C16orf96: variants seen among roughly 807,000 people sequenced by gnomAD.
The protein encoded by C16orf96 is uncharacterized protein C16orf96.
Under a neutral mutation model 103.6 loss-of-function variants are expected in C16orf96, and 108 were observed. The ratio of observed to expected loss-of-function variants is 1.04; its 90% CI spans 0.89 to 1.22. The LOEUF is 1.22. C16orf96 is among the 50% of genes most tolerant of loss of function. The pLI, the probability that C16orf96 is intolerant of heterozygous loss-of-function variation, is 0.00. For synonymous variants in C16orf96, 566 were observed against 593.5 expected (o/e 0.95, Z 0.67); for missense variants, 1,586 against 1,464.2 (o/e 1.08, Z -1.36).
intron 6 of C16orf96, among the ~76,000 whole-genome samples, 176 bp downstream of exon 6, chr16:4,579,201 C>CGG (rs869309386): frequency 3.2e-4 from 6 of 18,908 alleles, no homozygotes; most frequent in African/African-American, 3.8e-4. Context: ...TTCACTGGTG[C>CGG]GGTGGGGGGG....
intron 2 of C16orf96, among the ~76,000 whole-genome samples, chr16:4,572,530 T>G (rs2141714262): frequency 6.6e-6 from 1 of 152,044 alleles, no homozygotes; most frequent in African/African-American, 2.4e-5. Flanking sequence ...CTCAATCTCC[T>G]GACCTCTTGA....
At position 4,593,389 on chromosome 16, in the gene C16orf96, C is replaced by T; in HGVS notation, c.2867+73C>T. Reference sequence around the variant, plus strand: ...ACTCTGGAGCCTGGGAACCCTGTTCCTGCAGAGACACATCCTCCAGGCCCA... The same window carrying T: ...ACTCTGGAGCCTGGGAACCCTGTTCTTGCAGAGACACATCCTCCAGGCCCA... On this transcript the variant is annotated intron_variant, in intron 12 of 15. Transcript: ENST00000444310. This position sits in a 1 kb window ranked among gnomAD's most constrained non-coding sequence, Gnocchi z 4.2. The T allele has an allele frequency of 1.5e-6, 2 of 1,378,526 alleles. No homozygotes were observed. Among genetic ancestry groups the T allele is most frequent in the Non-Finnish European group, 1.0e-6 (1 of 1,000,624 alleles). The allele number at this position is 1,378,526 out of a possible 1,614,324, so 85.4% of individuals were successfully genotyped here.
chr16:4,586,325 T>G (rs537739534), intron 7 of C16orf96, among the ~76,000 whole-genome samples: 1 of 152,352 alleles, frequency 6.6e-6, no homozygotes, highest in East Asian at 1.9e-4. Context: ...GTGGCCACAC[T>G]AAGCTATAAG....
intron 14 of C16orf96, among the ~76,000 whole-genome samples, chr16:4,596,323 G>A (rs965242317): frequency 6.6e-6 from 1 of 151,992 alleles, no homozygotes; most frequent in African/African-American, 2.4e-5. Context: ...CGTCTGTACT[G>A]AAAATACAAA....
chr16:4,556,895 G>A lies in C16orf96; in HGVS notation c.406G>A (p.Glu136Lys), dbSNP rs201798094. 118 of 1,544,666 alleles carry A rather than the reference G, an allele frequency of 7.6e-5. No individual in the cohort carries two copies. In the Middle Eastern group the frequency reaches 1.7e-3, roughly 22 times the overall value. ...CCGGAAGATGGTGGAGGGTCATGATGAAGTCATGGCCAAGGTACGCCCCCA... is the reference window on the plus strand; with the variant it reads ...CCGGAAGATGGTGGAGGGTCATGATAAAGTCATGGCCAAGGTACGCCCCCA... ...KLRKMVEGHD[E>K]VMAKSMQTLQ... The change falls in exon 1 of 16, where the codon GAA (glutamate) becomes AAA (lysine). Residue 136 changes from glutamate to lysine, a missense_variant. Physicochemically the swap from Glu to Lys is moderately conservative, Grantham distance 56. Coordinates refer to ENST00000444310, the MANE Select transcript of C16orf96 (RefSeq NM_001145011.2).
chr16:4,573,536 A>G (rs766331859), intron 2 of C16orf96, among the ~76,000 whole-genome samples: 1 of 151,158 alleles, frequency 6.6e-6, no homozygotes, highest in East Asian at 2.0e-4. Flanking sequence ...GCAGATCACA[A>G]GGTCAGGAGA....
rs1295532668 is a variant in C16orf96 at position 4,579,037 on chromosome 16, C to T, written c.2241+12C>T. On this transcript the variant is annotated intron_variant, in intron 6 of 15. Transcript: ENST00000444310. Reference sequence around the variant, plus strand: ...AATCTAGGCTCAAGGTTAGTGTCTCCGGCGAAGGGCTTTTGAGGCAGTGAT... The same window carrying T: ...AATCTAGGCTCAAGGTTAGTGTCTCTGGCGAAGGGCTTTTGAGGCAGTGAT... 1.4e-5 allele frequency: 21 copies of T among 1,550,366 alleles called. No homozygotes were observed. The highest frequency in any genetic ancestry group is 7.3e-5 in the East Asian group (3 of 40,884).
chr16:4,584,955 G>A (rs1896885875), intron 7 of C16orf96, among the ~76,000 whole-genome samples: 1 of 152,170 alleles, frequency 6.6e-6, no homozygotes, highest in South Asian at 2.1e-4. Flanking sequence ...ACAGGCATTA[G>A]CCACTGCGCC....
At chr16:4,554,337 C>CTTTTT (rs1192152419), upstream of C16orf96, among the ~76,000 whole-genome samples, 1 of 151,794 alleles carries the variant, frequency 6.6e-6, no homozygotes, top group Non-Finnish European at 1.5e-5. Flanking sequence ...GGACAACGCC[C>CTTTTT]TTTTTTTCTT....
intron 1 of C16orf96, among the ~76,000 whole-genome samples, chr16:4,566,949 C>CA (rs1247516647): frequency 1.3e-5 from 2 of 151,990 alleles, no homozygotes; most frequent in African/African-American, 4.8e-5. Flanking sequence ...TTCAATTAAC[C>CA]AGTGTTTAGT....
intron 7 of C16orf96, among the ~76,000 whole-genome samples, chr16:4,582,953 T>C (rs6500617): frequency 0.43 from 64,930 of 151,988 alleles, 16,417 homozygotes; most frequent in East Asian, 0.67. Context: ...ATTTCATTGC[T>C]GGCCAGGCTC....
At chr16:4,600,030 G>A in intron 15 of C16orf96, 70 bp from the exon 16 acceptor site, 8 of 1,375,544 alleles carry the variant, frequency 5.8e-6, no homozygotes, top group Non-Finnish European at 8.0e-6. Flanking sequence ...AGTGGGGATG[G>A]CCCCATCAGG....
upstream of C16orf96, among the ~76,000 whole-genome samples, chr16:4,553,194 A>G (rs2059238316): frequency 6.6e-6 from 1 of 152,154 alleles, no homozygotes; most frequent in Non-Finnish European, 1.5e-5. Flanking sequence ...GGTTTTGTGG[A>G]TGGACTGGTA....
chr16:4,589,734 G>T (rs967860106), intron 9 of C16orf96, among the ~76,000 whole-genome samples: 1 of 152,146 alleles, frequency 6.6e-6, no homozygotes, highest in African/African-American at 2.4e-5. Context: ...GTTGCTAATT[G>T]TATTAAACAT....
chr16:4,594,832 C>A, intron 14 of C16orf96, 29 bp downstream of exon 14: 1 of 1,545,680 alleles, frequency 6.5e-7, no homozygotes, highest in Non-Finnish European at 8.7e-7. Flanking sequence ...CCTGGGGCAC[C>A]CTTGCCTGGG....
At chr16:4,565,965 C>G (rs905295979) in intron 1 of C16orf96, among the ~76,000 whole-genome samples, 3 of 152,180 alleles carry the variant, frequency 2.0e-5, no homozygotes, top group Admixed American at 6.6e-5. Flanking sequence ...ATCTCTGCCT[C>G]CCAAGTTTCT....
Position 4,591,746 on chromosome 16 carries a change from C to T in C16orf96, c.2673C>T (p.Gly891=). The change falls in exon 10 of 16, where the codon GGC becomes GGT. Residue 891 remains glycine, a synonymous_variant. Coordinates refer to ENST00000444310, the MANE Select transcript of C16orf96 (RefSeq NM_001145011.2). ...WKIVRKLLIE[G]LRLDPDSAAG... is the part of the protein sequence containing the mutation. ...TCGTCCGGAAGCTGCTGATTGAGGG[C>T]TTAAGACTGGATCCTGACAGTGCTG... 6.4e-7 allele frequency: 1 copy of T among 1,551,654 alleles called. No homozygotes were observed. Among genetic ancestry groups the T allele is most frequent in the Non-Finnish European group, 8.7e-7 (1 of 1,146,982 alleles).
upstream of C16orf96, among the ~76,000 whole-genome samples, chr16:4,553,913 G>A (rs966116197): frequency 6.6e-6 from 1 of 152,164 alleles, no homozygotes; most frequent in Non-Finnish European, 1.5e-5. Context: ...TTCCACAGCT[G>A]GTGCAAGGAT....
chr16:4,555,135 C>T (rs61254217), upstream of C16orf96, among the ~76,000 whole-genome samples: 21 of 151,282 alleles, frequency 1.4e-4, no homozygotes, highest in South Asian at 3.4e-3. Flanking sequence ...TGGTGGCAGG[C>T]GCCTGTGATC....
Sources: allele counts gnomAD v4.1 joint callset (sites outside exome capture counted in the v4.1 genomes callset), GRCh38; gene constraint gnomAD v4.1.1; non-coding constraint Gnocchi (gnomAD v3.1); transcripts MANE v1.5; gene names NCBI Gene and HGNC (gene_info 2026-07-23, HGNC 2026-07-21).